VRK2: variants seen among roughly 807,000 people sequenced by gnomAD.
The protein encoded by VRK2 is serine/threonine-protein kinase VRK2.
In VRK2, 60 loss-of-function variants were observed where a neutral mutation model predicts 57.6. That is an observed-to-expected ratio of 1.04 (90% confidence interval 0.85 to 1.29). The LOEUF is 1.29. Among genes scored for constraint, VRK2 ranks in the 50% most tolerant of loss-of-function variants. The pLI, the probability that VRK2 is intolerant of heterozygous loss-of-function variation, is 0.00. For missense variants in VRK2, 705 were observed against 588.1 expected (o/e 1.20, Z -2.06); for synonymous variants, 231 against 199.2 (o/e 1.16, Z -1.35).
rs150692096 is a variant in VRK2 at position 58,059,836 on chromosome 2, A to G, written c.136+10869A>G. On this transcript the variant is annotated intron_variant, in intron 2 of 12. Coordinates refer to ENST00000340157, the MANE Select transcript of VRK2 (RefSeq NM_006296.7). ...ACTAGAATACTTTTTTATTTGGTGT[A>G]TATATATTTAGCAAGGAAAAGAATG... 2.8e-4 allele frequency among the ~76,000 whole-genome samples: 42 copies of G among 151,906 alleles called. No individual in the cohort carries two copies. The East Asian group carries it at 7.9e-3, about 29-fold the overall frequency.
At chr2:57,915,714 A>T (rs1457240060) in intron 1 of VRK2, among the ~76,000 whole-genome samples, 1 of 152,182 alleles carries the variant, frequency 6.6e-6, no homozygotes, top group Non-Finnish European at 1.5e-5. Context: ...GCATTGACAG[A>T]TCTTACATCA....
chr2:57,960,198 A>G (rs1359284107), intron 1 of VRK2, among the ~76,000 whole-genome samples: 3 of 152,162 alleles, frequency 2.0e-5, no homozygotes, highest in Non-Finnish European at 2.9e-5. Context: ...CTAATATCAT[A>G]CAACCAAAAA....
intron 1 of VRK2, among the ~76,000 whole-genome samples, chr2:57,964,320 T>G (rs887688364): frequency 2.0e-5 from 3 of 152,124 alleles, no homozygotes; most frequent in African/African-American, 7.2e-5. Flanking sequence ...GAAAATATAT[T>G]TACTATTCGT....
intron 2 of VRK2, among the ~76,000 whole-genome samples, chr2:58,053,531 T>G (rs1676065360): frequency 6.6e-6 from 1 of 152,220 alleles, no homozygotes. Context: ...GAAACATTTA[T>G]ATTTAAAACA....
At chr2:57,926,344 T>G (rs1308654735) in intron 1 of VRK2, among the ~76,000 whole-genome samples, 1 of 151,730 alleles carries the variant, frequency 6.6e-6, no homozygotes, top group Non-Finnish European at 1.5e-5. Flanking sequence ...CAGCTACTAC[T>G]GTATTGGGGT....
intron 1 of VRK2, among the ~76,000 whole-genome samples, chr2:57,972,390 T>C (rs966754284): frequency 6.6e-6 from 1 of 151,926 alleles, no homozygotes; most frequent in African/African-American, 2.4e-5. Flanking sequence ...AACATTAATG[T>C]GTTTATTTGC....
At chr2:58,118,281 G>A (rs535430557) in intron 7 of VRK2, among the ~76,000 whole-genome samples, 13 of 152,358 alleles carry the variant, frequency 8.5e-5, no homozygotes, top group South Asian at 6.2e-4. Context: ...GTGTCCCTGC[G>A]TGGTCTGACA....
chr2:57,997,123 A>G (rs1174565609), intron 1 of VRK2, among the ~76,000 whole-genome samples: 3 of 152,152 alleles, frequency 2.0e-5, no homozygotes, highest in Non-Finnish European at 4.4e-5. Flanking sequence ...ATTTTGAGTC[A>G]TTGATGGAAA....
At chr2:57,973,300 G>A (rs2104026216) in intron 1 of VRK2, among the ~76,000 whole-genome samples, 2 of 151,830 alleles carry the variant, frequency 1.3e-5, no homozygotes, top group South Asian at 4.1e-4. Context: ...TAAGGGCCAA[G>A]CAAATGCAAG....
intron 1 of VRK2, among the ~76,000 whole-genome samples, chr2:57,924,912 T>C (rs552795418): frequency 4.4e-4 from 67 of 152,062 alleles, no homozygotes; most frequent in Non-Finnish European, 7.5e-4. Context: ...TTTTTTTTAA[T>C]CATGAAGGGA....
At chr2:58,080,914 A>T (rs1670772908) in intron 2 of VRK2, among the ~76,000 whole-genome samples, 1 of 151,942 alleles carries the variant, frequency 6.6e-6, no homozygotes, top group Non-Finnish European at 1.5e-5. Flanking sequence ...ATGCTTAAAA[A>T]ATTCAGAATT....
intron 2 of VRK2, among the ~76,000 whole-genome samples, chr2:58,071,226 A>G (rs1669319423): frequency 1.3e-5 from 2 of 152,016 alleles, no homozygotes; most frequent in South Asian, 2.1e-4. Context: ...TGTTTTGCAA[A>G]TATCTCCTCC....
chr2:57,987,150 A>T (rs1027634596), intron 1 of VRK2, among the ~76,000 whole-genome samples: 2 of 152,182 alleles, frequency 1.3e-5, no homozygotes, highest in Non-Finnish European at 2.9e-5. Context: ...ATATTATAAG[A>T]AAAGTTAACA....
At chr2:57,971,551 C>T (rs1672099126) in intron 1 of VRK2, among the ~76,000 whole-genome samples, 1 of 151,850 alleles carries the variant, frequency 6.6e-6, no homozygotes, top group South Asian at 2.1e-4. Flanking sequence ...TTTTTCCACA[C>T]AGTCTTAATT....
At chr2:57,924,373 T>C (rs1670463636) in intron 1 of VRK2, among the ~76,000 whole-genome samples, 1 of 152,080 alleles carries the variant, frequency 6.6e-6, no homozygotes, top group Non-Finnish European at 1.5e-5. Context: ...GCCTTTCCAT[T>C]TTTTTGTGTG....
At chr2:57,956,152 C>T (rs145634264) in intron 1 of VRK2, among the ~76,000 whole-genome samples, 24 of 152,140 alleles carry the variant, frequency 1.6e-4, no homozygotes, top group African/African-American at 3.9e-4. Context: ...AGGCAAAGGA[C>T]GGAGGATTGC....
intron 2 of VRK2, among the ~76,000 whole-genome samples, chr2:58,078,864 G>C (rs1032980934): frequency 6.6e-6 from 1 of 152,044 alleles, no homozygotes; most frequent in Non-Finnish European, 1.5e-5. Context: ...TTTAGAGAAA[G>C]GGTAACTCTG....
chr2:58,153,160 T>C (rs1284549262), intron 12 of VRK2, among the ~76,000 whole-genome samples: 1 of 152,066 alleles, frequency 6.6e-6, no homozygotes, highest in Non-Finnish European at 1.5e-5. Context: ...TTATGATATG[T>C]AACTTGTTGA....
chr2:58,024,617 G>A (rs1294025534), intron 1 of VRK2, among the ~76,000 whole-genome samples: 1 of 152,092 alleles, frequency 6.6e-6, no homozygotes, highest in Non-Finnish European at 1.5e-5. Context: ...CTAAAATTGG[G>A]CCTATCCAAC....
Sources: allele counts gnomAD v4.1 joint callset (sites outside exome capture counted in the v4.1 genomes callset), GRCh38; gene constraint gnomAD v4.1.1; transcripts MANE v1.5; gene names NCBI Gene and HGNC (gene_info 2026-07-23, HGNC 2026-07-21).